The following PCDH15 variants were observed in gnomAD, a reference collection of about 807,000 sequenced individuals.
PCDH15 encodes the protein protocadherin related 15, also known as protocadherin-15.
Under a neutral mutation model 178.5 loss-of-function variants are expected in PCDH15, and 129 were observed. That is an observed-to-expected ratio of 0.72 (90% CI 0.63 to 0.84). The LOEUF is 0.84. PCDH15 is among the 40% of genes least tolerant of loss of function. PCDH15 has a pLI of 0.00. For missense variants in PCDH15, 2,230 were observed against 2,099.9 expected, an observed-to-expected ratio of 1.06 and a Z score of -1.21; for synonymous variants, 800 against 732.0, an observed-to-expected ratio of 1.09 and a Z score of -1.50.
intron 2 of PCDH15, among the ~76,000 whole-genome samples, chr10:55,104,369 A>G (rs369582320): frequency 5.3e-5 from 8 of 152,116 alleles, no homozygotes; most frequent in Admixed American, 3.3e-4. Flanking sequence ...ACACCTTTCT[A>G]AAATTATGAA....
chr10:54,472,341 A>G (rs529279747), intron 3 of PCDH15, among the ~76,000 whole-genome samples: 10 of 151,804 alleles, frequency 6.6e-5, no homozygotes, highest in African/African-American at 2.4e-4. Flanking sequence ...AGTCAGTGGG[A>G]ATTAGGTTTA....
intron 2 of PCDH15, among the ~76,000 whole-genome samples, chr10:55,386,250 T>A (rs896632834): frequency 6.6e-6 from 1 of 151,932 alleles, no homozygotes; most frequent in Admixed American, 6.6e-5. Context: ...GTAATTTTTA[T>A]ATCACACCCA....
intron 3 of PCDH15, among the ~76,000 whole-genome samples, chr10:54,520,099 C>G (rs1466824600): frequency 2.0e-5 from 3 of 152,082 alleles, no homozygotes; most frequent in Non-Finnish European, 2.9e-5. Flanking sequence ...ACACTTAAAG[C>G]CATAAAAACC....
chr10:55,132,950 C>T (rs986580191), intron 2 of PCDH15, among the ~76,000 whole-genome samples: 5 of 152,036 alleles, frequency 3.3e-5, no homozygotes, highest in African/African-American at 1.2e-4. Flanking sequence ...TGGTTTTAAG[C>T]CAAGTGTTGA....
intron 1 of PCDH15, among the ~76,000 whole-genome samples, chr10:54,706,271 C>T (rs1214567811): frequency 6.6e-6 from 1 of 152,164 alleles, no homozygotes; most frequent in African/African-American, 2.4e-5. Flanking sequence ...TTTCTAACTT[C>T]CAAGTCAATA....
intron 2 of PCDH15, among the ~76,000 whole-genome samples, chr10:55,411,116 C>T (rs1193110538): frequency 6.6e-6 from 1 of 152,004 alleles, no homozygotes; most frequent in Non-Finnish European, 1.5e-5. Context: ...CTTAGTGTAG[C>T]AATTTTAGGT....
chr10:53,887,860 G>A (rs917348975), intron 26 of PCDH15, among the ~76,000 whole-genome samples: 1 of 152,134 alleles, frequency 6.6e-6, no homozygotes, highest in Non-Finnish European at 1.5e-5. Context: ...CCGCACTCCA[G>A]CCTGGGCGAC....
intron 16 of PCDH15, among the ~76,000 whole-genome samples, chr10:54,083,993 A>T (rs886300196): frequency 2.0e-5 from 3 of 152,020 alleles, no homozygotes; most frequent in African/African-American, 7.2e-5. Flanking sequence ...TGGGTGGCTG[A>T]GGCAAGAGGA....
intron 2 of PCDH15, among the ~76,000 whole-genome samples, chr10:54,925,426 G>T (rs930044689): frequency 2.7e-4 from 14 of 51,362 alleles, no homozygotes; most frequent in Non-Finnish European, 5.0e-4. Context: ...GGCTATTCAG[G>T]CGTTTTTTTT....
intron 3 of PCDH15, among the ~76,000 whole-genome samples, chr10:54,489,043 A>T (rs1159566456): frequency 6.6e-6 from 1 of 152,036 alleles, no homozygotes; most frequent in Non-Finnish European, 1.5e-5. Context: ...CCTTCCATGT[A>T]ACCTTCTGAC....
At chr10:54,096,870 T>C in intron 15 of PCDH15, among the ~76,000 whole-genome samples, 1 of 152,218 alleles carries the variant, frequency 6.6e-6, no homozygotes, top group East Asian at 1.9e-4. Flanking sequence ...GTATGGCCAA[T>C]ATTGAATTAC....
chr10:55,498,260 G>A (rs1260986359), intron 2 of PCDH15, among the ~76,000 whole-genome samples: 1 of 151,846 alleles, frequency 6.6e-6, no homozygotes, highest in Non-Finnish European at 1.5e-5. Context: ...CAAAGGCATG[G>A]GGTATTTGAT....
chr10:53,861,897 T>C (rs1449820537), intron 27 of PCDH15, among the ~76,000 whole-genome samples: 1 of 152,088 alleles, frequency 6.6e-6, no homozygotes, highest in Non-Finnish European at 1.5e-5. Flanking sequence ...TGGTCTCTGC[T>C]GCAAACTCAC....
intron 1 of PCDH15, among the ~76,000 whole-genome samples, chr10:54,751,849 T>C (rs1446569583): frequency 2.0e-5 from 3 of 152,196 alleles, no homozygotes; most frequent in Non-Finnish European, 4.4e-5. Context: ...AAAGTGATGT[T>C]ATAAAACTTT....
intron 1 of PCDH15, among the ~76,000 whole-genome samples, chr10:55,222,459 T>A (rs375691143): frequency 6.6e-6 from 1 of 151,956 alleles, no homozygotes; most frequent in South Asian, 2.1e-4. Context: ...CTTTAAAATA[T>A]TGATTCTTTT....
chr10:55,451,007 T>C (rs979686345), intron 2 of PCDH15, among the ~76,000 whole-genome samples: 1 of 142,042 alleles, frequency 7.0e-6, no homozygotes, highest in Non-Finnish European at 1.5e-5. Flanking sequence ...ACATACCATA[T>C]AAGCTAACTC....
intron 15 of PCDH15, among the ~76,000 whole-genome samples, chr10:54,131,075 C>T (rs1460516141): frequency 2.6e-5 from 4 of 152,090 alleles, no homozygotes; most frequent in Non-Finnish European, 5.9e-5. Flanking sequence ...AGTATTTTTT[C>T]AGCCTTTGTA....
chr10:54,943,263 T>C lies in PCDH15; in HGVS notation c.-79-45763A>G, dbSNP rs190253607. Among the ~76,000 whole-genome samples, 75 of 152,096 alleles carry C rather than the reference T, an allele frequency of 4.9e-4. No individual in the cohort carries two copies. The East Asian group carries it at 0.011, about 22-fold the overall frequency. ...ACTCATATTCCTTGTCTCTTGGTGT[T>C]CATCCTCAAAGCCAATAATGGTGGG... On this transcript the variant is annotated intron_variant, in intron 2 of 5. Coordinates refer to the PCDH15 transcript ENST00000458638.
chr10:55,040,037 T>G (rs1840827034), intron 2 of PCDH15, among the ~76,000 whole-genome samples: 1 of 151,868 alleles, frequency 6.6e-6, no homozygotes, highest in South Asian at 2.1e-4. Context: ...TTACCCAAAT[T>G]TAACATAACC....
Sources: gnomAD v4.1 joint callset for allele counts (sites outside exome capture counted in the v4.1 genomes callset) on GRCh38, gnomAD v4.1.1 for gene constraint, MANE v1.5 for transcripts, NCBI Gene and HGNC (gene_info 2026-07-23, HGNC 2026-07-21) for gene names.